RCBTB1: variants seen among roughly 807,000 people sequenced by gnomAD.
The protein encoded by RCBTB1 is RCC1 and BTB domain containing protein 1, also known as RCC1 and BTB domain-containing protein 1.
Under a neutral mutation model 62.4 loss-of-function variants are expected in RCBTB1, and 46 were observed. The ratio of observed to expected loss-of-function variants is 0.74; its 90% CI spans 0.58 to 0.94. RCBTB1 has a LOEUF of 0.94. RCBTB1 is among the 40% of genes least tolerant of loss of function. RCBTB1 has a pLI of 0.00. For missense variants in RCBTB1, 565 were observed against 654.9 expected, an observed-to-expected ratio of 0.86 and a Z score of 1.50; for synonymous variants, 222 against 245.8, an observed-to-expected ratio of 0.90 and a Z score of 0.91.
chr13:49,535,955 G>A (rs951102363), intron 12 of RCBTB1, among the ~76,000 whole-genome samples: 9 of 151,428 alleles, frequency 5.9e-5, no homozygotes, highest in African/African-American at 1.5e-4. Context: ...CCCAGGAGGC[G>A]GAGGTTGCAG....
chr13:49,566,836 C>T (rs1963055192), intron 3 of RCBTB1, 68 bp from the exon 4 acceptor site: 1 of 1,426,942 alleles, frequency 7.0e-7, no homozygotes. Flanking sequence ...CCCTTCTCTC[C>T]TCTGAAAATA....
At chr13:49,551,581 G>A (rs1861427891) in intron 7 of RCBTB1, 113 bp from the exon 8 acceptor site, 6 of 1,186,148 alleles carry the variant, frequency 5.1e-6, no homozygotes, top group Non-Finnish European at 7.1e-6. Context: ...CATCAGGGGT[G>A]GACTGACATT....
chr13:49,574,109 C>T (rs1963601728), intron 2 of RCBTB1, among the ~76,000 whole-genome samples: 1 of 146,496 alleles, frequency 6.8e-6, no homozygotes, highest in South Asian at 2.2e-4. Context: ...AAATATAGTC[C>T]CAAATTTCTT....
At position 49,567,257 on chromosome 13, in the gene RCBTB1, GGCCACTTTCC is replaced by G. The variant is rs770175569; in HGVS notation, c.13_22del (p.Gly5ProfsTer41). 6.2e-7 allele frequency: 1 copy of G among 1,613,904 alleles called. No homozygotes were observed. ...TTGAGGGGAGAGTAGAGTGAAGATG[GGCCACTTTCC>G]GACATCCACCATGACTCTGGCTTCA... On this transcript the variant is annotated frameshift_variant, in exon 3 of 13. Coordinates refer to ENST00000378302, the MANE Select transcript of RCBTB1 (RefSeq NM_018191.4). LOFTEE classifies it high-confidence loss of function.
At chr13:49,543,535 T>C (rs1960557128) in intron 10 of RCBTB1, among the ~76,000 whole-genome samples, 1 of 152,226 alleles carries the variant, frequency 6.6e-6, no homozygotes, top group Non-Finnish European at 1.5e-5. Flanking sequence ...TTCAAATGTA[T>C]TTCTTTGCCA....
chr13:49,553,583 T>C (rs7322971), intron 6 of RCBTB1, among the ~76,000 whole-genome samples: 58,762 of 151,982 alleles, frequency 0.39, 13,782 homozygotes, highest in Non-Finnish European at 0.55. Context: ...CAAATAGCCA[T>C]AGGAAAAAGT....
At chr13:49,535,538 T>C (rs1241709428) in intron 12 of RCBTB1, among the ~76,000 whole-genome samples, 1 of 151,030 alleles carries the variant, frequency 6.6e-6, no homozygotes, top group African/African-American at 2.4e-5. Context: ...TGACCGCACA[T>C]TTCCAGCTAC....
rs764906670 is a variant in RCBTB1 at position 49,552,216 on chromosome 13, C to T, written c.673G>A (p.Val225Met). Residue 225 changes from valine (V) to methionine (M), a missense_variant, in exon 7 of 13, where the codon GTG (valine) becomes ATG (methionine). By Grantham distance (21) the Val-to-Met change is conservative (BLOSUM62 1). Coordinates refer to ENST00000378302, the MANE Select transcript of RCBTB1 (RefSeq NM_018191.4). Reference sequence around the variant, plus strand: ...ACGCTGTGCAAAGCTGCCACTCTCACAGGGGTCAGCTGGTTGCCATTGTTT... The same window carrying T: ...ACGCTGTGCAAAGCTGCCACTCTCATAGGGGTCAGCTGGTTGCCATTGTTT... The part of the protein sequence containing the change: ...LGNNGNQLTP[V>M]RVAALHSVCV... 6.3e-7 allele frequency: 1 copy of T among 1,594,916 alleles called. No homozygotes were observed. The highest frequency in any genetic ancestry group is 2.2e-5 in the East Asian group (1 of 44,490).
At chr13:49,576,327 C>T (rs1190094536) in intron 2 of RCBTB1, among the ~76,000 whole-genome samples, 1 of 150,384 alleles carries the variant, frequency 6.6e-6, no homozygotes, top group Non-Finnish European at 1.5e-5. Flanking sequence ...GTAAATTTTA[C>T]ACTATATACC....
intron 4 of RCBTB1, 128 bp from the exon 5 acceptor site, chr13:49,560,212 T>TTA: frequency 1.0e-6 from 1 of 975,180 alleles, no homozygotes; most frequent in African/African-American, 1.6e-5. Flanking sequence ...TCCTCTCTAT[T>TTA]AAGTAACCAT....
At chr13:49,582,558 C>T (rs1468029918) in intron 1 of RCBTB1, among the ~76,000 whole-genome samples, 2 of 152,160 alleles carry the variant, frequency 1.3e-5, no homozygotes, top group African/African-American at 2.4e-5. Flanking sequence ...TTCTTCCTTC[C>T]ACAAGAGGAG....
At chr13:49,540,252 C>T (rs1401817285) in intron 12 of RCBTB1, among the ~76,000 whole-genome samples, 4 of 152,270 alleles carry the variant, frequency 2.6e-5, no homozygotes, top group African/African-American at 7.2e-5. Flanking sequence ...TTCCTGCTCA[C>T]GAGGAGCTTA....
chr13:49,572,144 T>C (rs1198356894), intron 2 of RCBTB1, among the ~76,000 whole-genome samples: 2 of 151,948 alleles, frequency 1.3e-5, no homozygotes, highest in Non-Finnish European at 2.9e-5. Flanking sequence ...CTAGATGACA[T>C]GGTGAAACCC....
chr13:49,575,311 A>C (rs1056549813), intron 2 of RCBTB1, among the ~76,000 whole-genome samples: 3 of 152,202 alleles, frequency 2.0e-5, no homozygotes, highest in Admixed American at 2.0e-4. Flanking sequence ...GTGGGAATGT[A>C]AATTAGTTCA....
At chr13:49,562,087 G>C (rs1594310512) in intron 4 of RCBTB1, among the ~76,000 whole-genome samples, 2 of 149,954 alleles carry the variant, frequency 1.3e-5, no homozygotes, top group South Asian at 4.2e-4. Context: ...GGGCAAAAAG[G>C]ACTCTATCTC....
At position 49,551,346 on chromosome 13, in the gene RCBTB1, G is replaced by A. The variant is rs755863648; in HGVS notation, c.834C>T (p.His278=). The A allele has an allele frequency of 2.5e-6, 4 of 1,614,188 alleles. No individual in the cohort carries two copies. The highest frequency in any genetic ancestry group is 3.4e-6 in the Non-Finnish European group (4 of 1,180,038). ...GNKNNLLSPA[H]IMVEKERVVE... is the part of the protein sequence containing the mutation. ...GTTACCTTTCTTTCTCCACCATGAT[G>A]TGTGCTGGGCTTAGCAGGTTATTTT... The change falls in exon 8 of 13, where the codon CAC becomes CAT. Residue 278 remains histidine, a synonymous_variant. Transcript: ENST00000378302.
chr13:49,565,660 C>T (rs1243536287), intron 4 of RCBTB1, among the ~76,000 whole-genome samples: 5 of 89,530 alleles, frequency 5.6e-5, no homozygotes, highest in Admixed American at 2.8e-4. Context: ...AGCGTCTCTG[C>T]CCGGCCGCCC....
intron 12 of RCBTB1, among the ~76,000 whole-genome samples, chr13:49,536,233 T>A (rs1473522634): frequency 1.3e-5 from 2 of 152,120 alleles, no homozygotes; most frequent in East Asian, 1.9e-4. Context: ...CTGAAAACAA[T>A]CTAAATCTGG....
chr13:49,565,276 C>A (rs1022106134), intron 4 of RCBTB1, among the ~76,000 whole-genome samples: 2 of 152,190 alleles, frequency 1.3e-5, no homozygotes, highest in Admixed American at 1.3e-4. Flanking sequence ...CTCGGCCTCC[C>A]GAGGTGCCGA....
Sources: gnomAD v4.1 joint callset for allele counts (sites outside exome capture counted in the v4.1 genomes callset) on GRCh38, gnomAD v4.1.1 for gene constraint, MANE v1.5 for transcripts, NCBI Gene and HGNC (gene_info 2026-07-23, HGNC 2026-07-21) for gene names.